Variants in FUBP1 observed in about 807,000 individuals in gnomAD.
FUBP1 encodes the protein far upstream element binding protein 1.
In FUBP1, 16 loss-of-function variants were observed where a neutral mutation model predicts 94.9. That is an observed-to-expected ratio of 0.17 (90% CI 0.11 to 0.26). FUBP1 has a LOEUF of 0.26. FUBP1 is among the 10% of genes least tolerant of loss of function. FUBP1 has a pLI of 1.00. For missense variants in FUBP1, 583 were observed against 808.6 expected (o/e 0.72, Z 3.38); for synonymous variants, 279 against 254.9 (o/e 1.09, Z -0.90).
intron 1 of FUBP1, among the ~76,000 whole-genome samples, chr1:77,970,632 A>G (rs1340619867): frequency 2.0e-5 from 3 of 152,252 alleles, no homozygotes; most frequent in East Asian, 3.8e-4. Flanking sequence ...GGATATATGT[A>G]GGAGTCCAGG....
chr1:77,947,492 C>A lies in FUBP1; in HGVS notation c.*1274G>T. 2 of 1,311,614 alleles carry A rather than the reference C, an allele frequency of 1.5e-6. No individual in the cohort carries two copies. Among genetic ancestry groups the A allele is most frequent in the Non-Finnish European group, 1.0e-6 (1 of 989,314 alleles). The allele number at this position is 1,311,614 out of a possible 1,614,324, so 81.2% of individuals were successfully genotyped here. On this transcript the variant is annotated 3_prime_UTR_variant, in exon 20 of 20. Transcript: ENST00000370768. ...TGAAGGAACACAATCAAGGATGATA[C>A]ACAGCACAGTCCTCCTCACCCCTAC...
chr1:77,944,072 C>A lies in FUBP1; in HGVS notation c.*4694G>T. 1 of 181,932 alleles carries A rather than the reference C, an allele frequency of 5.5e-6. No individual in the cohort carries two copies. Among genetic ancestry groups the A allele is most frequent in the Non-Finnish European group, 1.2e-5 (1 of 85,294 alleles). The allele number at this position is 181,932 out of a possible 1,614,324, so 11.3% of individuals were successfully genotyped here. A position where few individuals can be genotyped will look rare whatever the true frequency, so the allele number is the denominator to read the frequency against. On this transcript the variant is annotated 3_prime_UTR_variant, in exon 20 of 20. Transcript: ENST00000370768. ...CTCCTTTATAATAGTCATCAATGTA[C>A]ATTTATTGAGGAAACCATAATGAAT...
rs571394258 is a variant in FUBP1 at position 77,949,126 on chromosome 1, A to G, written c.1926+29T>C. The G allele has an allele frequency of 5.0e-6, 8 of 1,594,956 alleles. No homozygotes were observed. The South Asian group carries it at 8.8e-5, about 18-fold the overall frequency. On this transcript the variant is annotated intron_variant, in intron 19 of 19. Transcript: ENST00000370768. ...ACATGCAGAAAACAGACTGGAGTAGAAATCAACAAATTAGCAATTACATTA... is the reference window on the plus strand; with the variant it reads ...ACATGCAGAAAACAGACTGGAGTAGGAATCAACAAATTAGCAATTACATTA...
Position 77,944,982 on chromosome 1 carries a change from G to A in FUBP1, c.*3784C>T, listed in dbSNP as rs559578347. Among the ~76,000 whole-genome samples the A allele has an allele frequency of 1.3e-5, 2 of 151,852 alleles. No individual in the cohort carries two copies. Among genetic ancestry groups the A allele is most frequent in the African/African-American group, 4.8e-5 (2 of 41,448 alleles). On this transcript the variant is annotated 3_prime_UTR_variant, in exon 20 of 20. Coordinates refer to ENST00000370768, the MANE Select transcript of FUBP1 (RefSeq NM_003902.5). ...AAATTTTTGTTTAAGTGCTAAATAA[G>A]TCAGTTCAGTTTCAATCTAAACTAT...
intron 6 of FUBP1, 27 bp downstream of exon 6, chr1:77,966,857 G>T: frequency 1.4e-6 from 2 of 1,432,144 alleles, no homozygotes; most frequent in Non-Finnish European, 2.0e-6. Context: ...TAGTCACACT[G>T]AAAATACCAT....
intron 2 of FUBP1, among the ~76,000 whole-genome samples, chr1:77,969,467 T>C (rs1571336563): frequency 6.7e-6 from 1 of 148,834 alleles, no homozygotes; most frequent in Non-Finnish European, 1.5e-5. Flanking sequence ...AAAAAAAAAA[T>C]GGTATAACCT....
At chr1:77,970,606 G>T (rs911795228) in intron 1 of FUBP1, among the ~76,000 whole-genome samples, 38 of 152,112 alleles carry the variant, frequency 2.5e-4, no homozygotes. Context: ...ACTTCTATTG[G>T]ACAATGTTGT....
chr1:77,963,530 A>G (rs113280262), intron 13 of FUBP1, 44 bp downstream of exon 13: 29,050 of 1,185,840 alleles, frequency 0.024, 466 homozygotes, highest in Middle Eastern at 0.066. Context: ...GTGTCCAGAA[A>G]AATGAATAAT....
chr1:77,964,535 A>G, intron 10 of FUBP1, 111 bp downstream of exon 10: 1 of 724,010 alleles, frequency 1.4e-6, no homozygotes, highest in East Asian at 2.6e-5. Flanking sequence ...TCTAAAGTAT[A>G]AAGGTGAAAT....
At chr1:77,977,073 G>T (rs1022789835) in intron 1 of FUBP1, among the ~76,000 whole-genome samples, 1 of 152,214 alleles carries the variant, frequency 6.6e-6, no homozygotes, top group East Asian at 1.9e-4. Flanking sequence ...CACTTATAAA[G>T]CAAGTGGATG....
intron 3 of FUBP1, 120 bp from the exon 4 acceptor site, chr1:77,967,786 G>GA: frequency 1.6e-6 from 1 of 621,438 alleles, no homozygotes; most frequent in East Asian, 2.8e-5. Context: ...ACAACACCTT[G>GA]AAGAGAGTCA....
At chr1:77,966,987 T>G (rs372145181) in intron 5 of FUBP1, 32 bp from the exon 6 acceptor site, 6 of 1,548,900 alleles carry the variant, frequency 3.9e-6, no homozygotes, top group Non-Finnish European at 5.3e-6. Flanking sequence ...TTTTTTTTGG[T>G]TGAAAGATTC....
In FUBP1 at chr1:77,960,499, CA is replaced by C. The variant is rs545766306; in HGVS notation, c.1345-5del. On this transcript the variant is annotated splice_polypyrimidine_tract_variant and splice_region_variant and intron_variant, in intron 14 of 19. Coordinates refer to ENST00000370768, the MANE Select transcript of FUBP1 (RefSeq NM_003902.5). ...GCCCTAAAGGATTTACTGGGCCCTA[CA>C]AAAAAAAGGATGACATAGAAAAATC... 142 of 1,585,616 alleles carry C rather than the reference CA, an allele frequency of 9.0e-5. No individual in the cohort carries two copies. Among genetic ancestry groups the C allele is most frequent in the Admixed American group, 4.8e-4 (26 of 54,536 alleles).
rs1274669785 is a variant in FUBP1, at chr1:77,945,302, C to A, written c.*3464G>T. Among the ~76,000 whole-genome samples, 1 of 151,876 alleles carries A rather than the reference C, an allele frequency of 6.6e-6. No individual in the cohort carries two copies. Among genetic ancestry groups the A allele is most frequent in the African/African-American group, 2.4e-5 (1 of 41,378 alleles). ...TATATTATCAATTGTACATACCTATCATTGACTATTAAAACATAACATACA... is the reference window on the plus strand; with the variant it reads ...TATATTATCAATTGTACATACCTATAATTGACTATTAAAACATAACATACA... On this transcript the variant is annotated 3_prime_UTR_variant, in exon 20 of 20. Transcript: ENST00000370768.
chr1:77,972,084 C>T (rs1657666400), intron 1 of FUBP1, among the ~76,000 whole-genome samples: 1 of 151,084 alleles, frequency 6.6e-6, no homozygotes. Flanking sequence ...TTACCAATTA[C>T]AAACCTGTTT....
Position 77,956,778 on chromosome 1 carries a change from C to G in FUBP1, c.1577-78G>C, listed in dbSNP as rs1571259443. 5 of 1,054,386 alleles carry G rather than the reference C, an allele frequency of 4.7e-6. No individual in the cohort carries two copies. In the East Asian group the frequency reaches 1.3e-4, roughly 27 times the overall value. 65.3% of individuals were successfully genotyped at this position (1,054,386 alleles called of 1,614,324 possible). A position where few individuals can be genotyped will look rare whatever the true frequency, so the allele number is the denominator to read the frequency against. Reference sequence around the variant, plus strand: ...ACACACACACACACCACCCCCCCGCCCAGCTCTCTGGCAAATATACAGCCC... The same window carrying G: ...ACACACACACACACCACCCCCCCGCGCAGCTCTCTGGCAAATATACAGCCC... On this transcript the variant is annotated intron_variant, in intron 16 of 19. Coordinates refer to ENST00000370768, the MANE Select transcript of FUBP1 (RefSeq NM_003902.5).
intron 18 of FUBP1, among the ~76,000 whole-genome samples, chr1:77,953,412 A>G (rs189998789): frequency 6.6e-6 from 1 of 152,152 alleles, no homozygotes; most frequent in East Asian, 1.9e-4. Context: ...AATCGCTTGA[A>G]CCTGGGAGGC....
intron 17 of FUBP1, among the ~76,000 whole-genome samples, chr1:77,955,691 A>G (rs1292002736): frequency 6.6e-6 from 1 of 152,236 alleles, no homozygotes; most frequent in African/African-American, 2.4e-5. Context: ...TGATATGAAC[A>G]TAGTTTTTAA....
chr1:77,953,186 T>C (rs916368549), intron 18 of FUBP1, among the ~76,000 whole-genome samples: 2 of 151,588 alleles, frequency 1.3e-5, no homozygotes, highest in Non-Finnish European at 2.9e-5. Flanking sequence ...TAATCTGTTT[T>C]GCTCATAAAA....
Sources: allele counts gnomAD v4.1 joint callset (sites outside exome capture counted in the v4.1 genomes callset), GRCh38; gene constraint gnomAD v4.1.1; transcripts MANE v1.5; gene names NCBI Gene and HGNC (gene_info 2026-07-23, HGNC 2026-07-21).